The following DOCK10 variants were observed in gnomAD, a reference collection of about 807,000 sequenced individuals.
DOCK10 encodes the protein dedicator of cytokinesis 10.
Under a neutral mutation model 280.1 loss-of-function variants are expected in DOCK10, and 145 were observed. That is an observed-to-expected ratio of 0.52 (90% confidence interval 0.45 to 0.59). DOCK10 has a LOEUF of 0.59. Ranked by LOEUF, DOCK10 falls within the 20% of genes least tolerant of loss-of-function variation. DOCK10 has a pLI of 0.00. For missense variants in DOCK10, 2,368 were observed against 2,651.7 expected (o/e 0.89, Z 2.35); for synonymous variants, 915 against 942.2 (o/e 0.97, Z 0.53).
At position 224,874,097 on chromosome 2, in the gene DOCK10, A is replaced by C; in HGVS notation, c.1156T>G (p.Phe386Val). ...ATTCTCTTGGCAGCTTTTTCTTCAA[A>C]TGGTTTGATCACAGACTCAGGTTCC... ...LLEPESVIKP[F>V]EEKAAKRIMI... Residue 386 changes from phenylalanine (F) to valine (V), a missense_variant, in exon 11 of 56, where the codon TTT becomes GTT. This residue lies in a region of DOCK10 where 1,209 missense variants were observed against 1,250.9 expected (regional missense o/e 0.97). Transcript: ENST00000258390. The C allele has an allele frequency of 3.1e-6, 5 of 1,611,316 alleles. No individual in the cohort carries two copies. Among genetic ancestry groups the C allele is most frequent in the Non-Finnish European group, 4.2e-6 (5 of 1,178,534 alleles).
At chr2:224,949,181 C>T (rs1490844286) in intron 1 of DOCK10, among the ~76,000 whole-genome samples, 9 of 152,188 alleles carry the variant, frequency 5.9e-5, no homozygotes, top group Non-Finnish European at 1.2e-4. Flanking sequence ...TTCTTCTCCT[C>T]GTTTCTAGAC....
intron 47 of DOCK10, 53 bp downstream of exon 47, chr2:224,792,921 G>A (rs910207963): frequency 1.5e-6 from 2 of 1,312,228 alleles, no homozygotes; most frequent in East Asian, 2.4e-5. Context: ...TAGAATTTGA[G>A]CAGCAAGTGG....
intron 55 of DOCK10, chr2:224,768,810 AAG>A (rs1269214833): frequency 1.6e-5 from 7 of 438,690 alleles, no homozygotes; most frequent in African/African-American, 8.2e-5. Flanking sequence ...AATGGCTAGG[AAG>A]AGAGGGGTAC....
intron 1 of DOCK10, among the ~76,000 whole-genome samples, chr2:224,985,390 T>C (rs1157151519): frequency 6.6e-6 from 1 of 151,346 alleles, no homozygotes. Flanking sequence ...TATTATTGTA[T>C]GTTATTTCAT....
intron 1 of DOCK10, among the ~76,000 whole-genome samples, chr2:224,944,308 C>G (rs1435500254): frequency 2.6e-5 from 4 of 152,178 alleles, no homozygotes; most frequent in African/African-American, 7.2e-5. Context: ...GACCTGTAGT[C>G]CAGTGACTTC....
intron 1 of DOCK10, among the ~76,000 whole-genome samples, chr2:225,009,405 C>T (rs281523): frequency 0.68 from 102,951 of 152,060 alleles, 35,998 homozygotes; most frequent in East Asian, 0.81. Flanking sequence ...ATTAGTAAGA[C>T]TTCAAAAAAG....
chr2:224,998,445 T>C (rs951277071), intron 1 of DOCK10, among the ~76,000 whole-genome samples: 7 of 152,160 alleles, frequency 4.6e-5, no homozygotes, highest in African/African-American at 1.7e-4. Context: ...TACATTCTCC[T>C]TGGTGTCAGA....
chr2:224,836,000 A>T (rs1247820349), intron 25 of DOCK10, among the ~76,000 whole-genome samples: 1 of 152,210 alleles, frequency 6.6e-6, no homozygotes, highest in Admixed American at 6.5e-5. Flanking sequence ...AGAAAGTCTG[A>T]GATTTGAGGT....
At chr2:224,793,614 A>C (rs1692360947) in intron 45 of DOCK10, among the ~76,000 whole-genome samples, 157 bp from the exon 46 acceptor site, 1 of 152,242 alleles carries the variant, frequency 6.6e-6, no homozygotes, top group African/African-American at 2.4e-5. Flanking sequence ...TTTCCAAAAA[A>C]ATTCACCATC....
intron 31 of DOCK10, among the ~76,000 whole-genome samples, chr2:224,809,759 C>T (rs931329892): frequency 2.6e-5 from 4 of 151,720 alleles, no homozygotes; most frequent in South Asian, 2.1e-4. Context: ...TGGTGGAATA[C>T]GGTCATTATA....
rs1238020618 is a variant in DOCK10 at position 224,842,586 on chromosome 2, T to C, written c.2569-690A>G. On this transcript the variant is annotated intron_variant, in intron 22 of 55. Transcript: ENST00000258390. Reference sequence around the variant, plus strand: ...CTCATTTCCCTCAGGCCACTGTGTGTGTGCGCGTGTGTGTGTGTGCCCTAT... The same window carrying C: ...CTCATTTCCCTCAGGCCACTGTGTGCGTGCGCGTGTGTGTGTGTGCCCTAT... 2.6e-5 allele frequency among the ~76,000 whole-genome samples: 4 copies of C among 152,222 alleles called. No individual in the cohort carries two copies. In the South Asian group the frequency reaches 8.3e-4, roughly 32 times the overall value.
chr2:224,996,549 T>C (rs958724023), intron 1 of DOCK10, among the ~76,000 whole-genome samples: 2 of 152,228 alleles, frequency 1.3e-5, no homozygotes, highest in African/African-American at 2.4e-5. Context: ...TTAATAATTA[T>C]GCAAACATAG....
chr2:224,849,559 G>A lies in DOCK10; in HGVS notation c.2183C>T (p.Ala728Val). ...GTGGTGCAGAACTGCTGTGTAGGCG[G>A]CTGAGGTGAAGAGGGGCCCTCCAGG... ...GKPGGPLFTSAAYTAVLHHSQ... is the reference protein window; with the variant it reads ...GKPGGPLFTSVAYTAVLHHSQ... The change falls in exon 19 of 56, where the codon GCC (alanine) becomes GTC (valine). Residue 728 changes from alanine to valine, a missense_variant. Coordinates refer to ENST00000258390, the MANE Select transcript of DOCK10 (RefSeq NM_014689.3). 6.2e-7 allele frequency: 1 copy of A among 1,611,846 alleles called. No homozygotes were observed. The highest frequency in any genetic ancestry group is 8.5e-7 in the Non-Finnish European group (1 of 1,179,100).
chr2:225,003,639 G>C (rs989972564), intron 1 of DOCK10, among the ~76,000 whole-genome samples: 39 of 152,290 alleles, frequency 2.6e-4, no homozygotes, highest in African/African-American at 8.4e-4. Flanking sequence ...CAAATTAAAA[G>C]TTTTATCTAA....
At chr2:224,903,774 T>C (rs933358300) in intron 3 of DOCK10, among the ~76,000 whole-genome samples, 2 of 152,196 alleles carry the variant, frequency 1.3e-5, no homozygotes, top group African/African-American at 2.4e-5. Flanking sequence ...TTTTACTGAT[T>C]TACTGCCAAA....
chr2:224,856,798 G>A, intron 15 of DOCK10, 62 bp downstream of exon 15: 10 of 1,453,760 alleles, frequency 6.9e-6, no homozygotes, highest in Non-Finnish European at 9.3e-6. Flanking sequence ...AGGTATTTAT[G>A]AAGTGATAAA....
rs147292825 is a variant in DOCK10 at position 224,791,754 on chromosome 2, G to A, written c.5311+1220C>T. Among the ~76,000 whole-genome samples the A allele has an allele frequency of 1.1e-4, 17 of 152,056 alleles. No individual in the cohort carries two copies. In the East Asian group the frequency reaches 2.3e-3, roughly 21 times the overall value. ...CTCCCAAAGTGCTGGGATTACAGGCGTGAGTCATGGCACCTGGCCAGTTCA... is the reference window on the plus strand; with the variant it reads ...CTCCCAAAGTGCTGGGATTACAGGCATGAGTCATGGCACCTGGCCAGTTCA... On this transcript the variant is annotated intron_variant, in intron 47 of 55. Transcript: ENST00000258390.
chr2:225,017,708 A>AAC (rs199573887), intron 1 of DOCK10, among the ~76,000 whole-genome samples: 22,266 of 146,650 alleles, frequency 0.15, 2,306 homozygotes, highest in Non-Finnish European at 0.21. Context: ...ACTGTTCCAA[A>AAC]AAAAAAAAAA....
chr2:224,868,333 T>G (rs1017469494), intron 11 of DOCK10, among the ~76,000 whole-genome samples: 1 of 152,214 alleles, frequency 6.6e-6, no homozygotes, highest in Non-Finnish European at 1.5e-5. Flanking sequence ...ATTACATACA[T>G]ATATGTACAT....
Sources: gnomAD v4.1 joint callset for allele counts (sites outside exome capture counted in the v4.1 genomes callset) on GRCh38, gnomAD v4.1.1 for gene constraint, gnomAD v4.1.1 regional missense constraint, MANE v1.5 for transcripts, NCBI Gene and HGNC (gene_info 2026-07-23, HGNC 2026-07-21) for gene names.